The following SPATA17 variants were observed in gnomAD, a reference collection of about 807,000 sequenced individuals.
SPATA17 encodes the protein spermatogenesis associated 17.
Under a neutral mutation model 62.2 loss-of-function variants are expected in SPATA17, and 53 were observed. The observed-to-expected ratio is 0.85, with a 90% CI of 0.68 to 1.07. The LOEUF is 1.07. Ranked by LOEUF, SPATA17 falls within the 50% of genes least tolerant of loss-of-function variation. The pLI, the probability that SPATA17 is intolerant of heterozygous loss-of-function variation, is 0.00. For synonymous variants in SPATA17, 146 were observed against 146.8 expected (o/e 0.99, Z 0.04); for missense variants, 466 against 425.5 (o/e 1.10, Z -0.84).
intron 5 of SPATA17, among the ~76,000 whole-genome samples, chr1:217,702,198 C>T (rs1453635280): frequency 6.6e-6 from 1 of 152,066 alleles, no homozygotes; most frequent in Non-Finnish European, 1.5e-5. Flanking sequence ...AACATGTTTG[C>T]AAATTCTATT....
chr1:217,680,599 A>AAG (rs1445971314), intron 4 of SPATA17, among the ~76,000 whole-genome samples: 1 of 152,138 alleles, frequency 6.6e-6, no homozygotes, highest in Non-Finnish European at 1.5e-5. Flanking sequence ...CTTTTGTTAC[A>AAG]TTAGTTTGCT....
intron 5 of SPATA17, among the ~76,000 whole-genome samples, chr1:217,716,414 G>T (rs907839974): frequency 6.6e-6 from 1 of 152,070 alleles, no homozygotes; most frequent in Admixed American, 6.6e-5. Context: ...ATCACATATC[G>T]ACTCTTCAGA....
At chr1:217,704,804 C>T (rs1172367385) in intron 5 of SPATA17, among the ~76,000 whole-genome samples, 1 of 152,072 alleles carries the variant, frequency 6.6e-6, no homozygotes, top group Non-Finnish European at 1.5e-5. Context: ...CAGTATACCA[C>T]TGATGGGCAT....
intron 9 of SPATA17, among the ~76,000 whole-genome samples, chr1:217,819,277 T>G (rs1674802843): frequency 6.6e-6 from 1 of 151,922 alleles, no homozygotes; most frequent in South Asian, 2.1e-4. Flanking sequence ...TACTTTTCTG[T>G]TAGTATGGTA....
At chr1:217,700,596 C>CT (rs1028653098) in intron 5 of SPATA17, among the ~76,000 whole-genome samples, 2 of 149,076 alleles carry the variant, frequency 1.3e-5, no homozygotes, top group African/African-American at 2.5e-5. Flanking sequence ...TTTCTTTTTT[C>CT]TTTTTTTTGA....
At chr1:217,639,833 A>G (rs192026963) in intron 1 of SPATA17, among the ~76,000 whole-genome samples, 92 of 152,064 alleles carry the variant, frequency 6.1e-4, no homozygotes, top group Admixed American at 3.6e-3. Context: ...TCTGACCCAC[A>G]TGTATGGTCT....
At chr1:217,679,551 GA>G (rs1438346829) in intron 4 of SPATA17, among the ~76,000 whole-genome samples, 3 of 152,150 alleles carry the variant, frequency 2.0e-5, no homozygotes, top group Non-Finnish European at 4.4e-5. Flanking sequence ...CTTAAAGACT[GA>G]TTGATTATAC....
intron 4 of SPATA17, among the ~76,000 whole-genome samples, chr1:217,679,873 GT>G (rs1448239027): frequency 6.6e-6 from 1 of 151,992 alleles, no homozygotes; most frequent in African/African-American, 2.4e-5. Flanking sequence ...GCCAATTTCA[GT>G]TTTTTTCTTT....
chr1:217,668,421 T>A (rs1343928890), intron 3 of SPATA17, among the ~76,000 whole-genome samples: 1 of 152,198 alleles, frequency 6.6e-6, no homozygotes, highest in Non-Finnish European at 1.5e-5. Flanking sequence ...AGGGATTTGC[T>A]GTAACATGAT....
intron 5 of SPATA17, among the ~76,000 whole-genome samples, chr1:217,740,708 A>C (rs1210620667): frequency 2.6e-5 from 4 of 152,224 alleles, no homozygotes; most frequent in Non-Finnish European, 5.9e-5. Context: ...CTAAATGTGC[A>C]GCTAGCCTGG....
chr1:217,742,249 G>T (rs1672641026), intron 6 of SPATA17, 151 bp downstream of exon 6: 1 of 973,620 alleles, frequency 1.0e-6, no homozygotes, highest in South Asian at 1.7e-5. Context: ...GTGTAGGTGC[G>T]CGCAGGCACC....
intron 9 of SPATA17, among the ~76,000 whole-genome samples, chr1:217,821,916 G>A (rs1243401485): frequency 1.3e-5 from 2 of 152,066 alleles, no homozygotes; most frequent in African/African-American, 4.8e-5. Context: ...TAAATGAGTG[G>A]CTCTCTACAA....
At chr1:217,815,089 G>A (rs978313702) in intron 9 of SPATA17, among the ~76,000 whole-genome samples, 2 of 151,972 alleles carry the variant, frequency 1.3e-5, no homozygotes, top group Admixed American at 6.6e-5. Flanking sequence ...TGTGAATTGT[G>A]GCCTCCAAAC....
At chr1:217,698,457 G>T (rs1671512703) in intron 5 of SPATA17, among the ~76,000 whole-genome samples, 1 of 151,398 alleles carries the variant, frequency 6.6e-6, no homozygotes, top group Non-Finnish European at 1.5e-5. Context: ...AAAAAAATTA[G>T]ATTTAGTGTC....
At chr1:217,807,068 T>C (rs1674451517) in intron 9 of SPATA17, among the ~76,000 whole-genome samples, 1 of 152,138 alleles carries the variant, frequency 6.6e-6, no homozygotes, top group South Asian at 2.1e-4. Flanking sequence ...TGGAATACTA[T>C]ACAGCCATAA....
intron 5 of SPATA17, among the ~76,000 whole-genome samples, chr1:217,716,025 T>C (rs1671995292): frequency 6.6e-6 from 1 of 152,118 alleles, no homozygotes; most frequent in South Asian, 2.1e-4. Context: ...TTGAACATAA[T>C]CTCTCATCCT....
chr1:217,802,957 G>T (rs1308734361), intron 9 of SPATA17, among the ~76,000 whole-genome samples: 1 of 152,100 alleles, frequency 6.6e-6, no homozygotes, highest in Non-Finnish European at 1.5e-5. Flanking sequence ...CTGTCGCTCA[G>T]GCTGGAGTGC....
chr1:217,823,117 A>C (rs533259001), intron 9 of SPATA17, among the ~76,000 whole-genome samples: 3 of 151,876 alleles, frequency 2.0e-5, no homozygotes, highest in African/African-American at 7.2e-5. Context: ...TTTAAAGTGC[A>C]TTTTTTCAGA....
chr1:217,727,166 G>C (rs1245253251), intron 5 of SPATA17, among the ~76,000 whole-genome samples: 3 of 151,692 alleles, frequency 2.0e-5, no homozygotes, highest in African/African-American at 7.3e-5. Flanking sequence ...AGAATCGCTC[G>C]AACCCGGGAG....
Sources: gnomAD v4.1 joint callset for allele counts (sites outside exome capture counted in the v4.1 genomes callset) on GRCh38, gnomAD v4.1.1 for gene constraint, MANE v1.5 for transcripts, NCBI Gene and HGNC (gene_info 2026-07-23, HGNC 2026-07-21) for gene names.